The following NAALADL1 variants were observed in gnomAD, a reference collection of about 807,000 sequenced individuals.
NAALADL1 encodes the protein aminopeptidase NAALADL1.
Under a neutral mutation model 82.8 loss-of-function variants are expected in NAALADL1, and 77 were observed. The ratio of observed to expected loss-of-function variants is 0.93; its 90% confidence interval spans 0.77 to 1.12. The LOEUF is 1.12. Ranked by LOEUF, NAALADL1 falls within the 50% of genes most tolerant of loss-of-function variation. The pLI is 0.00. For synonymous variants in NAALADL1, 358 were observed against 399.2 expected (o/e 0.90, Z 1.23); for missense variants, 956 against 964.0 (o/e 0.99, Z 0.11).
At chr11:65,046,586 T>G (rs1470977644) in intron 13 of NAALADL1, 60 bp from the exon 14 acceptor site, 1 of 1,526,426 alleles carries the variant, frequency 6.6e-7, no homozygotes. Context: ...AAGGTGTACC[T>G]CCAGTGAGCT....
At position 65,057,949 on chromosome 11, in the gene NAALADL1, T is replaced by C. The variant is rs540364726; in HGVS notation, c.406A>G (p.Asn136Asp). The change falls in exon 3 of 18, where the codon AAC becomes GAC. Residue 136 changes from asparagine (N) to aspartate (D), a missense_variant. Transcript: ENST00000358658. ...IIHSCHRTEE[N>D]VTGEQGGPDV... is the part of the protein sequence containing the mutation. ...GGCCCCCCTTGCTCCCCGGTCACGT[T>C]CTCCTCAGTCCGGTGGCAGGAGTGG... 9.9e-5 allele frequency: 160 copies of C among 1,613,914 alleles called. No individual in the cohort carries two copies. Among genetic ancestry groups the C allele is most frequent in the Non-Finnish European group, 1.3e-4 (151 of 1,179,970 alleles).
chr11:65,058,362 C>A lies in NAALADL1; in HGVS notation c.160G>T (p.Ala54Ser). 6.2e-7 allele frequency: 1 copy of A among 1,614,190 alleles called. No individual in the cohort carries two copies. Among genetic ancestry groups the A allele is most frequent in the South Asian group, 1.1e-5 (1 of 91,084 alleles). ...ILETVMGQLD[A>S]HRIRENLREL... ...CTGAGGTTCTCCCGGATCCTGTGGGCATCCAGCTGCCCCATGACGGTCTCC... is the reference window on the plus strand; with the variant it reads ...CTGAGGTTCTCCCGGATCCTGTGGGAATCCAGCTGCCCCATGACGGTCTCC... The change falls in exon 1 of 18, where the codon GCC becomes TCC. Residue 54 changes from alanine (A) to serine (S), a missense_variant. Coordinates refer to ENST00000358658, the MANE Select transcript of NAALADL1 (RefSeq NM_005468.3).
intron 4 of NAALADL1, among the ~76,000 whole-genome samples, chr11:65,056,640 C>T (rs758434205): frequency 2.6e-5 from 4 of 151,818 alleles, no homozygotes; most frequent in Non-Finnish European, 5.9e-5. Context: ...CTCCTGAACT[C>T]AGGCAATCCG....
Position 65,048,566 on chromosome 11 carries a change from C to A in NAALADL1, c.1199-181G>T, listed in dbSNP as rs546852806. 1,041 of 640,282 alleles carry A rather than the reference C, an allele frequency of 1.6e-3. 4 individuals carry two copies. The highest frequency in any genetic ancestry group is 1.3e-3 in the Non-Finnish European group (468 of 368,614). The allele number at this position is 640,282 out of a possible 1,614,324, so 39.7% of individuals were successfully genotyped here. ...CTCCCGCACCAAACACTGACCCCAA[C>A]TCCAAGCCCCCTGAAGGGTCGGGTG... On this transcript the variant is annotated intron_variant, in intron 8 of 17. Transcript: ENST00000358658.
At chr11:65,050,457 G>A (rs780942165) in intron 8 of NAALADL1, among the ~76,000 whole-genome samples, 2 of 147,718 alleles carry the variant, frequency 1.4e-5, no homozygotes, top group South Asian at 2.2e-4. Flanking sequence ...CAACCTGGGC[G>A]ACAGAGCGAG....
Position 65,053,403 on chromosome 11 carries a change from G to A in NAALADL1, c.1079-66C>T. On this transcript the variant is annotated intron_variant, in intron 7 of 17. Transcript: ENST00000358658. The surrounding 1 kb of genome is among the most constrained non-coding windows in gnomAD (Gnocchi z 4.3). ...GAGGTGGGCAGGGGGAGCTGGGCTG[G>A]GTGGTGGCAAGGGCAGGGCTGGATG... 1.2e-6 allele frequency: 2 copies of A among 1,612,858 alleles called. No homozygotes were observed. The highest frequency in any genetic ancestry group is 3.3e-5 in the Admixed American group (2 of 59,892).
chr11:65,055,924 C>T (rs1193195221), intron 4 of NAALADL1, among the ~76,000 whole-genome samples: 8 of 144,228 alleles, frequency 5.5e-5, no homozygotes, highest in Non-Finnish European at 1.2e-4. Flanking sequence ...TTGCTCTTGT[C>T]CCCCAGGCTG....
chr11:65,059,907 G>C (rs1247702121), upstream of NAALADL1, among the ~76,000 whole-genome samples: 1 of 152,230 alleles, frequency 6.6e-6, no homozygotes, highest in East Asian at 1.9e-4. Context: ...TGCAAGGGCT[G>C]AGAGGGAAGT....
At chr11:65,056,938 A>G (rs1369475755) in intron 4 of NAALADL1, among the ~76,000 whole-genome samples, 1 of 152,018 alleles carries the variant, frequency 6.6e-6, no homozygotes, top group African/African-American at 2.4e-5. Flanking sequence ...GCTGGCCTTG[A>G]TCTCCTGACC....
chr11:65,060,083 A>C (rs1947155381), upstream of NAALADL1, among the ~76,000 whole-genome samples: 1 of 152,142 alleles, frequency 6.6e-6, no homozygotes. Context: ...GGATGGGCTC[A>C]AAGATGCCTG....
chr11:65,059,996 AG>A (rs1290672032), upstream of NAALADL1, among the ~76,000 whole-genome samples: 1 of 152,124 alleles, frequency 6.6e-6, no homozygotes, highest in African/African-American at 2.4e-5. Flanking sequence ...GGGGGTCCCT[AG>A]GGACTTGAGC....
chr11:65,047,587 G>A, intron 12 of NAALADL1, 22 bp from the exon 13 acceptor site: 1 of 1,574,976 alleles, frequency 6.3e-7, no homozygotes, highest in Non-Finnish European at 8.6e-7. Flanking sequence ...AAGGGGGCCG[G>A]GATAAAGAGC....
chr11:65,058,294 G>A (rs1458288931), intron 1 of NAALADL1, 43 bp downstream of exon 1: 3 of 1,613,908 alleles, frequency 1.9e-6, no homozygotes, highest in Admixed American at 1.7e-5. Flanking sequence ...CATCAGGGAG[G>A]GGGCCTCTGG....
chr11:65,054,190 G>A lies in NAALADL1; in HGVS notation c.992+60C>T. 1 of 1,402,596 alleles carries A rather than the reference G, an allele frequency of 7.1e-7. No individual in the cohort carries two copies. Among genetic ancestry groups the A allele is most frequent in the African/African-American group, 1.4e-5 (1 of 70,626 alleles). 86.9% of individuals were successfully genotyped at this position (1,402,596 alleles called of 1,614,324 possible). On this transcript the variant is annotated intron_variant, in intron 6 of 17. Coordinates refer to ENST00000358658, the MANE Select transcript of NAALADL1 (RefSeq NM_005468.3). The surrounding 1 kb of genome is among the most constrained non-coding windows in gnomAD (Gnocchi z 4.3). ...AAGAGGGAACATCATCACAAGGGAA[G>A]GGGAGAGGCGAGTTGGGGGAGAGGG...
Position 65,047,779 on chromosome 11 carries a change from C to T in NAALADL1, c.1417-41G>A, listed in dbSNP as rs759485345. ...ATTTAGTCTCGGTGCGCGGCCCTCC[C>T]CAGCCCCAACAACAGGGCGGGTTCT... On this transcript the variant is annotated intron_variant, in intron 11 of 17. Coordinates refer to ENST00000358658, the MANE Select transcript of NAALADL1 (RefSeq NM_005468.3). The T allele has an allele frequency of 4.5e-6, 7 of 1,553,076 alleles. No individual in the cohort carries two copies. The East Asian group carries it at 1.4e-4, about 32-fold the overall frequency.
intron 8 of NAALADL1, among the ~76,000 whole-genome samples, chr11:65,050,576 G>T (rs1196123991): frequency 6.6e-6 from 1 of 151,424 alleles, no homozygotes; most frequent in Admixed American, 6.6e-5. Context: ...GATCACCTGA[G>T]GTCAGGAGTT....
rs1946964656 is a variant in NAALADL1 at position 65,054,018 on chromosome 11, TCAA to T, written c.992+229_992+231del. On this transcript the variant is annotated intron_variant, in intron 6 of 17. Coordinates refer to ENST00000358658, the MANE Select transcript of NAALADL1 (RefSeq NM_005468.3). The surrounding 1 kb of genome is among the most constrained non-coding windows in gnomAD (Gnocchi z 4.3). ...GAGAGGGAGTCGTGAGTTACAGACG[TCAA>T]GATGAGGTGGGAGGGGCAGGGGAAT... 6.6e-6 allele frequency among the ~76,000 whole-genome samples: 1 copy of T among 151,506 alleles called. No individual in the cohort carries two copies. The highest frequency in any genetic ancestry group is 1.5e-5 in the Non-Finnish European group (1 of 67,882).
intron 3 of NAALADL1, among the ~76,000 whole-genome samples, 178 bp downstream of exon 3, chr11:65,057,697 A>T (rs1225836087): frequency 6.6e-6 from 1 of 152,074 alleles, no homozygotes; most frequent in Non-Finnish European, 1.5e-5. Flanking sequence ...GAGCAGAGCC[A>T]CTAGTGTTTG....
Position 65,048,199 on chromosome 11 carries a change from A to C in NAALADL1, c.1301T>G (p.Leu434Arg). 6.2e-7 allele frequency: 1 copy of C among 1,613,250 alleles called. No homozygotes were observed. Among genetic ancestry groups the C allele is most frequent in the Non-Finnish European group, 8.5e-7 (1 of 1,179,892 alleles). Residue 434 changes from leucine (L) to arginine (R), a missense_variant, in exon 10 of 18, where the codon CTG becomes CGG. Coordinates refer to ENST00000358658, the MANE Select transcript of NAALADL1 (RefSeq NM_005468.3). Reference sequence around the variant, plus strand: ...GATGTAGGCCACCGTGCGCTCCTGCAGCTTGTTGAAGAACTCCTGCGGGTG... The same window carrying C: ...GATGTAGGCCACCGTGCGCTCCTGCCGCTTGTTGAAGAACTCCTGCGGGTG... ...TEFTEEFFNK[L>R]QERTVAYINV...
Sources: allele counts gnomAD v4.1 joint callset (sites outside exome capture counted in the v4.1 genomes callset), GRCh38; gene constraint gnomAD v4.1.1; non-coding constraint Gnocchi (gnomAD v3.1); transcripts MANE v1.5; gene names NCBI Gene and HGNC (gene_info 2026-07-23, HGNC 2026-07-21).